Variants in DLGAP2 observed in about 807,000 individuals in gnomAD.
The protein encoded by DLGAP2 is disks large-associated protein 2.
A neutral mutation model predicts 100.3 loss-of-function variants in DLGAP2; 26 were observed. That is an observed-to-expected ratio of 0.26 (90% confidence interval 0.19 to 0.36). The LOEUF (loss-of-function observed/expected upper bound fraction) is 0.36, where lower values mean the gene tolerates loss of function less well. Ranked by LOEUF, DLGAP2 falls within the 10% of genes least tolerant of loss-of-function variation. DLGAP2 has a pLI of 1.00. For synonymous variants in DLGAP2, 886 were observed against 630.1 expected (o/e 1.41, Z -6.08); for missense variants, 1,858 against 1,453.2 (o/e 1.28, Z -4.53).
intron 4 of DLGAP2, among the ~76,000 whole-genome samples, chr8:1,503,685 C>A (rs904300986): frequency 1.1e-4 from 16 of 152,122 alleles, no homozygotes; most frequent in African/African-American, 3.9e-4. Flanking sequence ...TTTTGAGGAA[C>A]CTCCACACTG....
At chr8:1,189,030 ATG>A in intron 2 of DLGAP2, among the ~76,000 whole-genome samples, 1 of 123,448 alleles carries the variant, frequency 8.1e-6, no homozygotes. Flanking sequence ...TTCGGGCCCC[ATG>A]GCGGTTCCGC....
intron 3 of DLGAP2, among the ~76,000 whole-genome samples, chr8:1,295,085 A>G (rs936567832): frequency 1.1e-4 from 17 of 152,086 alleles, no homozygotes; most frequent in Non-Finnish European, 1.6e-4. Context: ...GCAAACAGGA[A>G]ATCTACTACC....
At position 1,247,577 on chromosome 8, in the gene DLGAP2, A is replaced by G. The variant is rs372817473; in HGVS notation, c.74-11274A>G. On this transcript the variant is annotated intron_variant, in intron 2 of 14. Transcript: ENST00000637795. ...GATCAGTGTGGGAGTGATGGCCCAC[A>G]TCGGTGGCCGGGAAGACCTTTGAGA... Among the ~76,000 whole-genome samples the G allele has an allele frequency of 1.7e-3, 11 of 6,322 alleles. 3 individuals are homozygous for G. The highest frequency in any genetic ancestry group is 2.2e-3 in the Admixed American group (2 of 906). The allele number at this position is 6,322 out of a possible 152,430, so 4.1% of individuals were successfully genotyped here.
rs1164069479 is a variant in DLGAP2, at chr8:1,705,045, G to A, written c.*3639G>A. On this transcript the variant is annotated 3_prime_UTR_variant, in exon 15 of 15. Coordinates refer to ENST00000637795, the MANE Select transcript of DLGAP2 (RefSeq NM_001346810.2). ...CTCTGTTTTTGTTAGATCCTTGTAA[G>A]CATCGCTACCCGAGTCCAGGATGGA... 1 of 152,214 alleles carries A rather than the reference G, an allele frequency of 6.6e-6. No homozygotes were observed. Among genetic ancestry groups the A allele is most frequent in the Non-Finnish European group, 1.5e-5 (1 of 68,060 alleles). The allele number at this position is 152,214 out of a possible 1,614,324, so 9.4% of individuals were successfully genotyped here. A position where few individuals can be genotyped will look rare whatever the true frequency, so the allele number is the denominator to read the frequency against.
intron 2 of DLGAP2, among the ~76,000 whole-genome samples, chr8:1,195,818 C>G (rs115003159): frequency 7.9e-5 from 12 of 152,194 alleles, no homozygotes; most frequent in African/African-American, 2.7e-4. Context: ...TGACCTGCTC[C>G]GAGGCCTTGC....
At chr8:968,434 A>T (rs1799934100) in intron 2 of DLGAP2, among the ~76,000 whole-genome samples, 1 of 152,162 alleles carries the variant, frequency 6.6e-6, no homozygotes, top group Non-Finnish European at 1.5e-5. Flanking sequence ...GTCCACAGGG[A>T]GGAACTCCAG....
chr8:1,433,567 T>C (rs140299389), intron 3 of DLGAP2, among the ~76,000 whole-genome samples: 172 of 152,278 alleles, frequency 1.1e-3, no homozygotes, highest in African/African-American at 3.0e-3. Context: ...ATTTGAAGAA[T>C]AGTCCTAATC....
chr8:1,433,003 A>G (rs900121508), intron 3 of DLGAP2, among the ~76,000 whole-genome samples: 2 of 152,118 alleles, frequency 1.3e-5, no homozygotes, highest in African/African-American at 4.8e-5. Flanking sequence ...CTGGACCTCC[A>G]TGGAGGTGAC....
In DLGAP2 at chr8:1,707,977, T is replaced by C. The variant is rs1379844655; in HGVS notation, c.*6571T>C. On this transcript the variant is annotated 3_prime_UTR_variant, in exon 15 of 15. Transcript: ENST00000637795. ...CCTAATCTGAATGTGCAATATGCTATTCATCACCACGACAATTTCTTACTT... is the reference window on the plus strand; with the variant it reads ...CCTAATCTGAATGTGCAATATGCTACTCATCACCACGACAATTTCTTACTT... The C allele has an allele frequency of 6.6e-6, 1 of 152,628 alleles. No individual in the cohort carries two copies. Among genetic ancestry groups the C allele is most frequent in the Non-Finnish European group, 1.5e-5 (1 of 68,038 alleles). 9.5% of individuals were successfully genotyped at this position (152,628 alleles called of 1,614,324 possible). A position where few individuals can be genotyped will look rare whatever the true frequency, so the allele number is the denominator to read the frequency against.
chr8:1,079,259 T>G (rs1188570352), intron 2 of DLGAP2, among the ~76,000 whole-genome samples: 3 of 152,238 alleles, frequency 2.0e-5, no homozygotes, highest in Non-Finnish European at 4.4e-5. Context: ...TTCTTATTGT[T>G]GGGTTTTAAG....
intron 2 of DLGAP2, among the ~76,000 whole-genome samples, chr8:952,299 A>G (rs557844428): frequency 6.6e-6 from 1 of 152,208 alleles, no homozygotes; most frequent in East Asian, 1.9e-4. Flanking sequence ...AGGGCCAACA[A>G]TTCCCCAGAG....
intron 2 of DLGAP2, among the ~76,000 whole-genome samples, chr8:1,157,021 G>A (rs1314589932): frequency 1.3e-5 from 2 of 151,936 alleles, no homozygotes; most frequent in Non-Finnish European, 2.9e-5. Context: ...GCAGGCCAGG[G>A]CCCCAGGCTC....
At chr8:1,194,063 C>T (rs182398428) in intron 2 of DLGAP2, among the ~76,000 whole-genome samples, 2 of 152,240 alleles carry the variant, frequency 1.3e-5, no homozygotes, top group East Asian at 3.9e-4. Context: ...GTCAACGTGA[C>T]AGGTGTGAAC....
At chr8:817,759 G>C (rs1051384663) in intron 1 of DLGAP2, among the ~76,000 whole-genome samples, 2 of 152,214 alleles carry the variant, frequency 1.3e-5, no homozygotes, top group Admixed American at 6.5e-5. Flanking sequence ...ACCCGGTGGA[G>C]CTACTAGGCT....
chr8:1,555,157 G>A (rs1382807153), intron 5 of DLGAP2, among the ~76,000 whole-genome samples: 1 of 152,122 alleles, frequency 6.6e-6, no homozygotes, highest in Non-Finnish European at 1.5e-5. Context: ...AGCAGGTCCG[G>A]GAGGAGCTTC....
chr8:1,449,844 G>GAGGTGGGCGGCCCCGGTGGCTCGGGCA (rs1563156288), intron 3 of DLGAP2, among the ~76,000 whole-genome samples: 2 of 135,326 alleles, frequency 1.5e-5, no homozygotes, highest in Non-Finnish European at 3.2e-5. Context: ...TGACTGTAGC[G>GAGGTGGGCGGCCCCGGTGGCTCGGGCA]GAGCTGTGAG....
At chr8:1,414,739 T>A (rs1428705881) in intron 3 of DLGAP2, among the ~76,000 whole-genome samples, 1 of 152,166 alleles carries the variant, frequency 6.6e-6, no homozygotes, top group East Asian at 1.9e-4. Context: ...CTGGGCACGG[T>A]GGTGCATGTC....
chr8:937,289 T>C (rs1799093854), intron 2 of DLGAP2, among the ~76,000 whole-genome samples: 1 of 152,228 alleles, frequency 6.6e-6, no homozygotes, highest in African/African-American at 2.4e-5. Flanking sequence ...TTCAAAAACA[T>C]GCCCATATTT....
chr8:1,055,421 A>G (rs1039221916), intron 2 of DLGAP2, among the ~76,000 whole-genome samples: 1 of 152,174 alleles, frequency 6.6e-6, no homozygotes, highest in African/African-American at 2.4e-5. Flanking sequence ...ATGTAATAAG[A>G]TATCTAGGTT....
Sources: gnomAD v4.1 joint callset for allele counts (sites outside exome capture counted in the v4.1 genomes callset) on GRCh38, gnomAD v4.1.1 for gene constraint, MANE v1.5 for transcripts, NCBI Gene and HGNC (gene_info 2026-07-23, HGNC 2026-07-21) for gene names.